LRRC37A: variants seen among roughly 807,000 people sequenced by gnomAD.
The protein encoded by LRRC37A is leucine rich repeat containing 37A.
Under a neutral mutation model 35.4 loss-of-function variants are expected in LRRC37A, and 3 were observed. That is an observed-to-expected ratio of 0.08 (90% CI 0.04 to 0.22). The LOEUF is 0.22. Among genes scored for constraint, LRRC37A ranks in the 10% least tolerant of loss-of-function variants. The pLI, the probability that LRRC37A is intolerant of heterozygous loss-of-function variation, is 1.00. For synonymous variants in LRRC37A, 23 were observed against 215.0 expected, an observed-to-expected ratio of 0.11 and a Z score of 7.81; for missense variants, 67 against 565.3, an observed-to-expected ratio of 0.12 and a Z score of 8.94.
chr17:46,317,141 G>T (rs1390738559), intron 5 of LRRC37A, among the ~76,000 whole-genome samples: 2 of 87,810 alleles, frequency 2.3e-5, no homozygotes, highest in African/African-American at 3.0e-5. Flanking sequence ...CCTCCCAGAT[G>T]GGGTGGCGGC....
chr17:46,266,565 G>A, the LRRC37A span, among the ~76,000 whole-genome samples: 2 of 152,196 alleles, frequency 1.3e-5, no homozygotes, highest in Admixed American at 1.3e-4. Flanking sequence ...AGGGGTTAGA[G>A]GAGAGAAAGC....
the LRRC37A span, among the ~76,000 whole-genome samples, chr17:46,252,663 CAT>C: frequency 4.0e-5 from 6 of 150,750 alleles, no homozygotes; most frequent in Non-Finnish European, 8.9e-5. Flanking sequence ...GGACACAGCA[CAT>C]GTTTCAGAGA....
the LRRC37A span, among the ~76,000 whole-genome samples, chr17:46,286,325 T>A: frequency 1.3e-5 from 2 of 152,262 alleles, no homozygotes; most frequent in East Asian, 3.8e-4. Flanking sequence ...AATTTAAAGA[T>A]AAATATGAAA....
chr17:46,250,303 G>A, the LRRC37A span, among the ~76,000 whole-genome samples: 1 of 152,228 alleles, frequency 6.6e-6, no homozygotes, highest in African/African-American at 2.4e-5. Context: ...CTTACAAGTA[G>A]TCCAGCTTTG....
At chr17:46,249,618 C>A in the LRRC37A span, among the ~76,000 whole-genome samples, 2 of 152,148 alleles carry the variant, frequency 1.3e-5, no homozygotes, top group Non-Finnish European at 2.9e-5. Flanking sequence ...CTAAGCAAAG[C>A]ACATTAAAAC....
At chr17:46,332,907 C>T (rs1046067215) in intron 10 of LRRC37A, among the ~76,000 whole-genome samples, 11 of 151,322 alleles carry the variant, frequency 7.3e-5, no homozygotes, top group East Asian at 3.9e-4. Flanking sequence ...TTTAAGAAGT[C>T]GATATAATAG....
At chr17:46,272,832 A>G in the LRRC37A span, among the ~76,000 whole-genome samples, 1 of 152,266 alleles carries the variant, frequency 6.6e-6, no homozygotes, top group Admixed American at 6.5e-5. Flanking sequence ...ACTTTATACC[A>G]TTAAATACAC....
rs1376455756 is a variant in LRRC37A at position 46,316,623 on chromosome 17, A to AT, written c.2907-5690dup. 5.5e-5 allele frequency among the ~76,000 whole-genome samples: 4 copies of AT among 72,382 alleles called. 1 individual carries two copies. The highest frequency in any genetic ancestry group is 1.4e-4 in the African/African-American group (4 of 27,984). The allele number at this position is 72,382 out of a possible 152,430, so 47.5% of individuals were successfully genotyped here. On this transcript the variant is annotated intron_variant, in intron 5 of 13. Coordinates refer to ENST00000320254, the Ensembl canonical transcript of LRRC37A. ...GTTTTTTTTGTTTTTGTTTTTTTTA[A>AT]TTTTTTTTTATTGATCATTCTTGGG...
the LRRC37A span, among the ~76,000 whole-genome samples, chr17:46,268,125 C>T: frequency 1.3e-5 from 2 of 152,180 alleles, no homozygotes; most frequent in South Asian, 4.1e-4. Context: ...GTGATAAGGA[C>T]CTTTGTTCTG....
the LRRC37A span, among the ~76,000 whole-genome samples, chr17:46,248,825 TATC>T: frequency 6.6e-6 from 1 of 152,006 alleles, no homozygotes; most frequent in Non-Finnish European, 1.5e-5. Flanking sequence ...TGGCCTCACT[TATC>T]ATATTATTTT....
chr17:46,249,599 C>A, the LRRC37A span, among the ~76,000 whole-genome samples: 2 of 152,140 alleles, frequency 1.3e-5, no homozygotes, highest in Admixed American at 1.3e-4. Context: ...GGAAACAAAC[C>A]AGCCCTACCT....
the LRRC37A span, among the ~76,000 whole-genome samples, chr17:46,255,363 CTTTT>C: frequency 0.03 from 3,668 of 123,204 alleles, no homozygotes; most frequent in Middle Eastern, 0.1. Context: ...TCCCCAAATT[CTTTT>C]TTTTTTTTTT....
the LRRC37A span, among the ~76,000 whole-genome samples, chr17:46,281,229 C>T: frequency 6.6e-6 from 1 of 152,024 alleles, no homozygotes; most frequent in Non-Finnish European, 1.5e-5. Context: ...CCTTGCTCCC[C>T]CCACCCCTCA....
the LRRC37A span, chr17:46,268,703 T>G: frequency 6.9e-7 from 1 of 1,458,192 alleles, no homozygotes; most frequent in Non-Finnish European, 9.1e-7. Context: ...GAAACAACCA[T>G]CCTGGCATTT....
At chr17:46,273,327 G>A in the LRRC37A span, among the ~76,000 whole-genome samples, 1 of 152,148 alleles carries the variant, frequency 6.6e-6, no homozygotes, top group African/African-American at 2.4e-5. Context: ...AAGCAAAAAT[G>A]TTTTCATGTT....
At chr17:46,257,452 C>CAAAA in the LRRC37A span, among the ~76,000 whole-genome samples, 1 of 83,312 alleles carries the variant, frequency 1.2e-5, no homozygotes, top group Non-Finnish European at 2.2e-5. Context: ...GACTCTGTCT[C>CAAAA]AAAAAAAAAA....
At chr17:46,291,969 C>CAAAAAAAAAA (rs59554870), upstream of LRRC37A, among the ~76,000 whole-genome samples, 803 of 57,918 alleles carry the variant, frequency 0.014, 1 homozygote, top group Non-Finnish European at 0.019. Flanking sequence ...TCTCAAAAAG[C>CAAAAAAAAAA]AAAAAAAAAA....
At chr17:46,317,133 T>G (rs2051183713) in intron 5 of LRRC37A, among the ~76,000 whole-genome samples, 1 of 89,040 alleles carries the variant, frequency 1.1e-5, no homozygotes. Context: ...TGGGTACACC[T>G]CCCAGATGGG....
the LRRC37A span, among the ~76,000 whole-genome samples, chr17:46,267,845 T>G: frequency 0.063 from 8,288 of 130,982 alleles, 1 homozygote; most frequent in Middle Eastern, 0.13. Flanking sequence ...GCTGCTTTTT[T>G]GGGGGAGTGT....
Sources: gnomAD v4.1 joint callset for allele counts (sites outside exome capture counted in the v4.1 genomes callset) on GRCh38, gnomAD v4.1.1 for gene constraint, MANE v1.5 for transcripts, NCBI Gene and HGNC (gene_info 2026-07-23, HGNC 2026-07-21) for gene names.